Variants in MBD5 observed in about 807,000 individuals in gnomAD.
MBD5 encodes methyl-CpG binding domain protein 5.
Under a neutral mutation model 117.3 loss-of-function variants are expected in MBD5, and 13 were observed. The observed-to-expected ratio is 0.11, with a 90% CI of 0.07 to 0.18. The LOEUF is 0.18. Among genes scored for constraint, MBD5 ranks in the 10% least tolerant of loss-of-function variants. The pLI is 1.00. For synonymous variants in MBD5, 727 were observed against 766.4 expected (o/e 0.95, Z 0.85); for missense variants, 1,879 against 2,093.8 (o/e 0.90, Z 2.00).
intron 4 of MBD5, among the ~76,000 whole-genome samples, chr2:148,424,832 C>G (rs1705725114): frequency 6.6e-6 from 1 of 152,102 alleles, no homozygotes; most frequent in Non-Finnish European, 1.5e-5. Flanking sequence ...TTCCTTGAAA[C>G]CAATGGGAAC....
At chr2:148,108,466 A>G (rs1321082229) in intron 1 of MBD5, among the ~76,000 whole-genome samples, 2 of 152,026 alleles carry the variant, frequency 1.3e-5, no homozygotes, top group African/African-American at 4.8e-5. Context: ...TGCTTACACT[A>G]AGTAGCCTTT....
chr2:148,472,855 A>G (rs1422254269), intron 8 of MBD5, among the ~76,000 whole-genome samples: 1 of 152,120 alleles, frequency 6.6e-6, no homozygotes, highest in Non-Finnish European at 1.5e-5. Flanking sequence ...TATTATTTCT[A>G]ATCTGTGCAG....
At chr2:148,168,145 T>G (rs1274756250) in intron 1 of MBD5, among the ~76,000 whole-genome samples, 2 of 152,222 alleles carry the variant, frequency 1.3e-5, no homozygotes, top group South Asian at 2.1e-4. Context: ...TGATGAATTA[T>G]CCATTCATCA....
In MBD5 at chr2:148,513,461, T is replaced by C. The variant is rs968061238; in HGVS notation, c.*520T>C. 2 of 159,094 alleles carry C rather than the reference T, an allele frequency of 1.3e-5. No homozygotes were observed. The highest frequency in any genetic ancestry group is 4.8e-5 in the African/African-American group (2 of 41,486). The allele number at this position is 159,094 out of a possible 1,614,324, so 9.9% of individuals were successfully genotyped here. On this transcript the variant is annotated 3_prime_UTR_variant, in exon 14 of 14. Transcript: ENST00000642680. ...AATAAAAATACAACCTAAATGCTTT[T>C]CTATGATAATGTAAAAGATGCTGTT...
At chr2:148,058,383 C>T (rs552525271) in intron 1 of MBD5, among the ~76,000 whole-genome samples, 2 of 152,034 alleles carry the variant, frequency 1.3e-5, no homozygotes, top group Admixed American at 6.5e-5. Flanking sequence ...CCTATCTCAT[C>T]GCTTTATACT....
intron 3 of MBD5, among the ~76,000 whole-genome samples, chr2:148,277,206 A>G (rs1454750484): frequency 3.9e-5 from 6 of 152,194 alleles, no homozygotes; most frequent in Non-Finnish European, 5.9e-5. Context: ...GAAGTTATGG[A>G]AAGTTCAAAG....
chr2:148,285,616 G>A (rs545840316), intron 3 of MBD5, among the ~76,000 whole-genome samples: 1 of 152,246 alleles, frequency 6.6e-6, no homozygotes, highest in South Asian at 2.1e-4. Flanking sequence ...TCAAAATTAG[G>A]AAATATTACA....
intron 1 of MBD5, among the ~76,000 whole-genome samples, chr2:148,037,549 T>C (rs937185630): frequency 6.6e-6 from 1 of 151,992 alleles, no homozygotes; most frequent in Non-Finnish European, 1.5e-5. Context: ...CATCTTAAAC[T>C]ATTAAGGTTA....
chr2:148,433,853 G>T (rs1330534215), intron 4 of MBD5, among the ~76,000 whole-genome samples: 1 of 151,940 alleles, frequency 6.6e-6, no homozygotes, highest in Admixed American at 6.6e-5. Flanking sequence ...GTCAGGGGAT[G>T]CTGGCTTCAT....
chr2:148,500,142 T>A (rs1681826739), intron 11 of MBD5, among the ~76,000 whole-genome samples: 2 of 152,070 alleles, frequency 1.3e-5, no homozygotes, highest in Admixed American at 6.6e-5. Context: ...AGAAAAAATA[T>A]CCCTGGAAAA....
chr2:148,126,253 AAT>A (rs1696890104), intron 1 of MBD5, among the ~76,000 whole-genome samples: 1 of 151,136 alleles, frequency 6.6e-6, no homozygotes, highest in African/African-American at 2.5e-5. Flanking sequence ...AAAAAAAAAA[AAT>A]TTAGCTGGGC....
At chr2:148,029,115 A>C (rs1693973917) in intron 1 of MBD5, among the ~76,000 whole-genome samples, 1 of 152,148 alleles carries the variant, frequency 6.6e-6, no homozygotes. Context: ...AATAGTGATG[A>C]GAGTGATGTT....
chr2:148,176,765 G>C (rs192059368), intron 1 of MBD5, among the ~76,000 whole-genome samples: 1 of 150,714 alleles, frequency 6.6e-6, no homozygotes, highest in Admixed American at 6.7e-5. Flanking sequence ...TAGTAGTTAT[G>C]AGAGAGAGAG....
chr2:148,139,544 T>A (rs1016036357), intron 1 of MBD5, among the ~76,000 whole-genome samples: 5 of 152,112 alleles, frequency 3.3e-5, no homozygotes, highest in Non-Finnish European at 5.9e-5. Flanking sequence ...TATGTAGATA[T>A]GAAAGTTGTG....
intron 4 of MBD5, among the ~76,000 whole-genome samples, chr2:148,429,991 T>C (rs527808718): frequency 2.0e-5 from 3 of 152,232 alleles, no homozygotes; most frequent in Admixed American, 6.6e-5. Context: ...ACTTAAAAAA[T>C]ACTGCCTGTA....
chr2:148,458,689 T>C lies in MBD5; in HGVS notation c.-70T>C, dbSNP rs923288572. On this transcript the variant is annotated 5_prime_UTR_variant, in exon 5 of 14. Transcript: ENST00000642680. Reference sequence around the variant, plus strand: ...TGCACTGGCCCACTTTTGAAGGCCATCATGCTCTGTAATATAAGGATATCA... The same window carrying C: ...TGCACTGGCCCACTTTTGAAGGCCACCATGCTCTGTAATATAAGGATATCA... 8 of 1,365,270 alleles carry C rather than the reference T, an allele frequency of 5.9e-6. No homozygotes were observed. Among genetic ancestry groups the C allele is most frequent in the Non-Finnish European group, 8.4e-6 (8 of 954,540 alleles). The allele number at this position is 1,365,270 out of a possible 1,614,324, so 84.6% of individuals were successfully genotyped here.
At chr2:148,507,672 A>G (rs545428147) in intron 12 of MBD5, among the ~76,000 whole-genome samples, 24 of 151,896 alleles carry the variant, frequency 1.6e-4, no homozygotes, top group African/African-American at 5.6e-4. Flanking sequence ...AGACAGGAGA[A>G]TGGCGTGAAC....
chr2:148,331,498 C>A (rs1276128326), intron 3 of MBD5, among the ~76,000 whole-genome samples: 3 of 151,926 alleles, frequency 2.0e-5, no homozygotes. Context: ...ATGCTGATTT[C>A]TCATGCCTGA....
chr2:148,135,920 T>C (rs1026298560), intron 1 of MBD5, among the ~76,000 whole-genome samples: 3 of 152,184 alleles, frequency 2.0e-5, no homozygotes, highest in Non-Finnish European at 2.9e-5. Context: ...CTGTAAATTT[T>C]GGTCGTACCT....
Sources: allele counts gnomAD v4.1 joint callset (sites outside exome capture counted in the v4.1 genomes callset), GRCh38; gene constraint gnomAD v4.1.1; transcripts MANE v1.5; gene names NCBI Gene and HGNC (gene_info 2026-07-23, HGNC 2026-07-21).